Variants in SOX5 observed in about 807,000 individuals in gnomAD.
The protein encoded by SOX5 is SRY-box transcription factor 5, also known as transcription factor SOX-5.
Under a neutral mutation model 92.0 loss-of-function variants are expected in SOX5, and 9 were observed. That is an observed-to-expected ratio of 0.10 (90% CI 0.06 to 0.17). The LOEUF is 0.17. Among genes scored for constraint, SOX5 ranks in the 10% least tolerant of loss-of-function variants. The pLI, the probability that SOX5 is intolerant of heterozygous loss-of-function variation, is 1.00. For synonymous variants in SOX5, 344 were observed against 336.3 expected (o/e 1.02, Z -0.25); for missense variants, 642 against 944.5 (o/e 0.68, Z 4.20).
chr12:23,648,076 G>A (rs2081097999), intron 7 of SOX5, among the ~76,000 whole-genome samples: 1 of 152,092 alleles, frequency 6.6e-6, no homozygotes, highest in African/African-American at 2.4e-5. Context: ...TCTTATGTGG[G>A]TGCAGTTTAT....
At chr12:24,075,589 A>G in intron 4 of SOX5, among the ~76,000 whole-genome samples, 1 of 152,214 alleles carries the variant, frequency 6.6e-6, no homozygotes, top group East Asian at 1.9e-4. Flanking sequence ...TACAAGAATT[A>G]GAGAAACTTT....
At chr12:24,362,592 C>A (rs1004169174) in intron 2 of SOX5, among the ~76,000 whole-genome samples, 4 of 152,096 alleles carry the variant, frequency 2.6e-5, no homozygotes, top group South Asian at 2.1e-4. Context: ...AAATAGAATT[C>A]TTCACAGCCC....
rs1444185433 is a variant in SOX5 at position 23,643,283 on chromosome 12, G to A, written c.932-2386C>T. On this transcript the variant is annotated intron_variant, in intron 7 of 14. Transcript: ENST00000451604. ...TAAAACAACTGATTGACATGTGGTAGTATGTACTGGGTTTGTAAACACAGA... is the reference window on the plus strand; with the variant it reads ...TAAAACAACTGATTGACATGTGGTAATATGTACTGGGTTTGTAAACACAGA... Among the ~76,000 whole-genome samples the A allele has an allele frequency of 3.3e-5, 5 of 152,134 alleles. No individual in the cohort carries two copies. In the East Asian group the frequency reaches 7.7e-4, roughly 23 times the overall value.
At chr12:24,521,046 C>T (rs1482728333) in intron 1 of SOX5, among the ~76,000 whole-genome samples, 1 of 151,828 alleles carries the variant, frequency 6.6e-6, no homozygotes, top group Non-Finnish European at 1.5e-5. Context: ...AGTAATAAAA[C>T]AATAGTAGAA....
At chr12:23,629,078 T>C (rs1234711740) in intron 8 of SOX5, among the ~76,000 whole-genome samples, 1 of 152,056 alleles carries the variant, frequency 6.6e-6, no homozygotes, top group Non-Finnish European at 1.5e-5. Flanking sequence ...CAAATAGATA[T>C]GAAACAGCAC....
At chr12:23,883,112 T>G (rs1595354278) in intron 2 of SOX5, among the ~76,000 whole-genome samples, 2 of 144,848 alleles carry the variant, frequency 1.4e-5, no homozygotes, top group Non-Finnish European at 3.0e-5. Flanking sequence ...ACCCGGGAGG[T>G]GGAGCTTGCG....
At chr12:24,545,539 C>T (rs888428002) in intron 1 of SOX5, among the ~76,000 whole-genome samples, 3 of 151,880 alleles carry the variant, frequency 2.0e-5, no homozygotes, top group Non-Finnish European at 2.9e-5. Context: ...TCAAGTAATA[C>T]GAATAACGCA....
At chr12:24,148,222 C>T (rs1394812575) in intron 4 of SOX5, among the ~76,000 whole-genome samples, 1 of 151,224 alleles carries the variant, frequency 6.6e-6, no homozygotes, top group African/African-American at 2.4e-5. Context: ...ACAGGCCAGG[C>T]ATGGCGGCTC....
Position 23,694,989 on chromosome 12 carries a change from G to T in SOX5, c.811-29425C>A, listed in dbSNP as rs945716275. On this transcript the variant is annotated intron_variant, in intron 6 of 14. Transcript: ENST00000451604. ...TTAAAAATTAGCTGGGCATGGTGGTGCATACCTGTAGTCCTAGCTACTTGC... is the reference window on the plus strand; with the variant it reads ...TTAAAAATTAGCTGGGCATGGTGGTTCATACCTGTAGTCCTAGCTACTTGC... 3.9e-5 allele frequency among the ~76,000 whole-genome samples: 6 copies of T among 152,108 alleles called. No homozygotes were observed. In the East Asian group the frequency reaches 1.2e-3, roughly 29 times the overall value.
chr12:24,492,717 G>C (rs925981144), intron 1 of SOX5, among the ~76,000 whole-genome samples: 1 of 152,064 alleles, frequency 6.6e-6, no homozygotes, highest in Non-Finnish European at 1.5e-5. Context: ...TGATACTTAC[G>C]TATTTTGTTC....
intron 2 of SOX5, among the ~76,000 whole-genome samples, chr12:24,310,993 C>G (rs1044703525): frequency 6.6e-6 from 1 of 152,102 alleles, no homozygotes; most frequent in Non-Finnish European, 1.5e-5. Flanking sequence ...AATATGGGAC[C>G]TTGACAATTG....
intron 1 of SOX5, among the ~76,000 whole-genome samples, chr12:24,426,162 T>G (rs1298944762): frequency 3.9e-5 from 6 of 152,150 alleles, no homozygotes; most frequent in Admixed American, 3.9e-4. Flanking sequence ...ATTGTGCCAC[T>G]GCACTCCAGC....
intron 8 of SOX5, among the ~76,000 whole-genome samples, chr12:23,606,124 T>C (rs1471043434): frequency 1.3e-5 from 2 of 151,948 alleles, no homozygotes; most frequent in African/African-American, 2.4e-5. Context: ...CTATGCATTA[T>C]ATACTGCAAT....
At chr12:23,620,719 AT>A (rs543992383) in intron 8 of SOX5, among the ~76,000 whole-genome samples, 1 of 152,166 alleles carries the variant, frequency 6.6e-6, no homozygotes, top group Non-Finnish European at 1.5e-5. Flanking sequence ...TTTACAATTC[AT>A]TTTTACTTTC....
At position 23,889,132 on chromosome 12, in the gene SOX5, G is replaced by A. The variant is rs371886552; in HGVS notation, c.270+6661C>T. 1.6e-3 allele frequency among the ~76,000 whole-genome samples: 237 copies of A among 152,278 alleles called. 6 individuals are homozygous for A. The South Asian group carries it at 0.048, about 31-fold the overall frequency. Reference sequence around the variant, plus strand: ...AAAAGTAATTACACTTTTGTTCAGAGTATAGGAGAATGCTCTCCCTAAACA... The same window carrying A: ...AAAAGTAATTACACTTTTGTTCAGAATATAGGAGAATGCTCTCCCTAAACA... On this transcript the variant is annotated intron_variant, in intron 2 of 14. Coordinates refer to ENST00000451604, the MANE Select transcript of SOX5 (RefSeq NM_006940.6).
chr12:23,936,111 A>C (rs1175160468), intron 1 of SOX5, among the ~76,000 whole-genome samples: 1 of 151,002 alleles, frequency 6.6e-6, no homozygotes, highest in African/African-American at 2.4e-5. Context: ...GTACATACTG[A>C]ATGTTAGCTC....
chr12:23,737,747 C>CTCCTGCCTCCCAAGGATAT (rs140594550), intron 5 of SOX5, among the ~76,000 whole-genome samples: 4,603 of 152,056 alleles, frequency 0.03, 251 homozygotes, highest in African/African-American at 0.11. Context: ...ACCAAGGATG[C>CTCCTGCCTCCCAAGGATAT]TCCTGCCTCC....
intron 8 of SOX5, among the ~76,000 whole-genome samples, chr12:23,614,785 A>G (rs2076356252): frequency 6.6e-6 from 1 of 152,046 alleles, no homozygotes; most frequent in African/African-American, 2.4e-5. Context: ...ACGTATGAAG[A>G]TTCCAGTTTC....
intron 3 of SOX5, among the ~76,000 whole-genome samples, chr12:23,766,704 T>C (rs1018688034): frequency 2.6e-5 from 4 of 152,098 alleles, no homozygotes; most frequent in African/African-American, 4.8e-5. Context: ...ATATTAAATA[T>C]TATCAACAAA....
Sources: allele counts gnomAD v4.1 joint callset (sites outside exome capture counted in the v4.1 genomes callset), GRCh38; gene constraint gnomAD v4.1.1; transcripts MANE v1.5; gene names NCBI Gene and HGNC (gene_info 2026-07-23, HGNC 2026-07-21).